Variants in CAGE1 observed in about 807,000 individuals in gnomAD.
The protein encoded by CAGE1 is cancer antigen 1, also known as cancer-associated gene 1 protein.
A neutral mutation model predicts 94.9 loss-of-function variants in CAGE1; 66 were observed. That is an observed-to-expected ratio of 0.70 (90% CI 0.57 to 0.85). The LOEUF (loss-of-function observed/expected upper bound fraction) is 0.85. Ranked by LOEUF, CAGE1 falls within the 40% of genes least tolerant of loss-of-function variation. The pLI, the probability that CAGE1 is intolerant of heterozygous loss-of-function variation, is 0.00. For synonymous variants in CAGE1, 319 were observed against 321.0 expected, an observed-to-expected ratio of 0.99 and a Z score of 0.07; for missense variants, 865 against 950.4, an observed-to-expected ratio of 0.91 and a Z score of 1.18.
rs1760199010 is a variant in CAGE1 at position 7,362,574 on chromosome 6, G to A, written c.2193+2894C>T. 6.6e-6 allele frequency among the ~76,000 whole-genome samples: 1 copy of A among 152,202 alleles called. No individual in the cohort carries two copies. Among genetic ancestry groups the A allele is most frequent in the Non-Finnish European group, 1.5e-5 (1 of 68,040 alleles). On this transcript the variant is annotated intron_variant, in intron 9 of 13. Transcript: ENST00000502583. The surrounding 1 kb of genome is among the most constrained non-coding windows in gnomAD (Gnocchi z 4.1). ...GATGGCAGGGTCAGAACTGTGAAGA[G>A]GAGCCAACGGCAAGGGGTCAGAAGG...
chr6:7,328,934 ATT>A (rs869241612), intron 13 of CAGE1, among the ~76,000 whole-genome samples: 167 of 106,804 alleles, frequency 1.6e-3, no homozygotes, highest in South Asian at 5.7e-3. Flanking sequence ...ATATATATAT[ATT>A]TTTTTTTTTT....
intron 10 of CAGE1, among the ~76,000 whole-genome samples, chr6:7,355,453 T>G (rs1433231910): frequency 6.6e-6 from 1 of 152,206 alleles, no homozygotes; most frequent in Non-Finnish European, 1.5e-5. Context: ...AACACTAAGT[T>G]GGCAAGATTT....
At chr6:7,366,254 A>G (rs1398839012) in intron 7 of CAGE1, among the ~76,000 whole-genome samples, 1 of 151,970 alleles carries the variant, frequency 6.6e-6, no homozygotes, top group Non-Finnish European at 1.5e-5. Context: ...TCAAAAAAAA[A>G]AAAAAAAAAA....
chr6:7,351,117 A>G (rs1759752025), intron 11 of CAGE1, among the ~76,000 whole-genome samples: 1 of 152,202 alleles, frequency 6.6e-6, no homozygotes, highest in Admixed American at 6.5e-5. Flanking sequence ...AATAGCAGAT[A>G]TTACAACTGA....
chr6:7,342,124 G>A (rs371077789), intron 11 of CAGE1: 1 of 1,006,452 alleles, frequency 9.9e-7, no homozygotes, highest in Non-Finnish European at 1.6e-6. Flanking sequence ...GCTGATGAAG[G>A]CAGCTTCACA....
chr6:7,381,163 C>T (rs1555770), intron 3 of CAGE1, among the ~76,000 whole-genome samples: 67,243 of 152,014 alleles, frequency 0.44, 17,289 homozygotes, highest in Middle Eastern at 0.59. Context: ...AAGCTCTAAC[C>T]CCTAGTACCT....
chr6:7,364,333 AAC>A (rs1193567546), intron 9 of CAGE1, among the ~76,000 whole-genome samples: 5 of 152,190 alleles, frequency 3.3e-5, no homozygotes, highest in Non-Finnish European at 7.3e-5. Context: ...CCTTCTGATA[AAC>A]AGTTATTTAT....
At chr6:7,332,943 TC>T (rs1445979997) in intron 12 of CAGE1, among the ~76,000 whole-genome samples, 4 of 152,070 alleles carry the variant, frequency 2.6e-5, no homozygotes, top group South Asian at 2.1e-4. Context: ...ACTGCTGTGT[TC>T]TTTTTTTTTT....
chr6:7,345,359 A>G (rs777204321), intron 11 of CAGE1, among the ~76,000 whole-genome samples: 213 of 83,004 alleles, frequency 2.6e-3, no homozygotes, highest in Non-Finnish European at 4.8e-3. Flanking sequence ...AACTCTGAAC[A>G]CATCAGAACA....
chr6:7,376,866 A>G (rs139320977), intron 4 of CAGE1, among the ~76,000 whole-genome samples: 3 of 152,214 alleles, frequency 2.0e-5, no homozygotes, highest in African/African-American at 7.2e-5. Flanking sequence ...CTCAATGATC[A>G]TTTCTTCAGG....
rs888532324 is a variant in CAGE1, at chr6:7,376,890, G to C, written c.687+1727C>G. ...CATTTCTTCAGGGATGCCTTCCCCA[G>C]ACTCCCTGATCAGGGTAGTGTCCTT... On this transcript the variant is annotated intron_variant, in intron 4 of 13. Coordinates refer to ENST00000502583, the MANE Select transcript of CAGE1 (RefSeq NM_001170692.2). Among the ~76,000 whole-genome samples the C allele has an allele frequency of 7.9e-5, 12 of 152,286 alleles. No homozygotes were observed. The East Asian group carries it at 1.9e-3, about 25-fold the overall frequency.
At chr6:7,346,663 A>G (rs907971668) in intron 11 of CAGE1, among the ~76,000 whole-genome samples, 12 of 152,068 alleles carry the variant, frequency 7.9e-5, no homozygotes, top group Admixed American at 5.2e-4. Context: ...CCTGGCCAAC[A>G]CGGCAAAACC....
chr6:7,344,369 C>A (rs941477451), intron 11 of CAGE1, among the ~76,000 whole-genome samples: 1 of 152,242 alleles, frequency 6.6e-6, no homozygotes, highest in Non-Finnish European at 1.5e-5. Flanking sequence ...GGGCCAGCGG[C>A]TGCAGAGGGT....
chr6:7,380,363 G>A lies in CAGE1; in HGVS notation c.284-1343C>T, dbSNP rs148137474. On this transcript the variant is annotated intron_variant, in intron 3 of 13. Coordinates refer to ENST00000502583, the MANE Select transcript of CAGE1 (RefSeq NM_001170692.2). The stretch of plus-strand genomic sequence containing the variant: ...CTATAGCCATATAAAAGTCTTGGAC[G>A]CAGTGGTTTACGCCTGTAATCCTAG... Among the ~76,000 whole-genome samples the A allele has an allele frequency of 7.5e-3, 1,137 of 152,086 alleles. 4 individuals carry two copies. Among genetic ancestry groups the A allele is most frequent in the Middle Eastern group, 0.02 (6 of 294 alleles).
chr6:7,345,903 T>C (rs139806762), intron 11 of CAGE1, among the ~76,000 whole-genome samples: 6 of 152,038 alleles, frequency 3.9e-5, no homozygotes, highest in African/African-American at 1.2e-4. Context: ...CCAGCCTGGG[T>C]GACAGAACGA....
In CAGE1 at chr6:7,374,107, G is replaced by A. The variant is rs747878969; in HGVS notation, c.712C>T (p.Gln238Ter). ...ATCTCAGGAATCTCCCCATAATTCT[G>A]TATTTCTTTTGAAGGAACTGCAGTC... is the stretch of plus-strand genomic sequence containing the variant. ...CKTAVPSKEI[Q>*]NYGEIPEMSV... Residue 238 changes from glutamine to a stop codon, truncating the protein, a stop_gained, in exon 5 of 14, where the codon CAG (glutamine) becomes TAG (stop). Transcript: ENST00000502583. LOFTEE classifies it high-confidence loss of function. 6.2e-7 allele frequency: 1 copy of A among 1,612,558 alleles called. No homozygotes were observed.
chr6:7,354,844 G>T (rs1416051752), intron 11 of CAGE1, among the ~76,000 whole-genome samples, 197 bp downstream of exon 11: 3 of 152,152 alleles, frequency 2.0e-5, no homozygotes, highest in Non-Finnish European at 4.4e-5. Context: ...GAGAAAGGAA[G>T]ATGAAAATCT....
rs891424304 is a variant in CAGE1 at position 7,334,605 on chromosome 6, G to A, written c.2370-515C>T. On this transcript the variant is annotated intron_variant, in intron 11 of 13. Coordinates refer to ENST00000502583, the MANE Select transcript of CAGE1 (RefSeq NM_001170692.2). ...TAGCCGGGCATGGTGGCACATGCCT[G>A]TGATCCCAGCTACTTGGGAGGCTGA... 1.3e-4 allele frequency among the ~76,000 whole-genome samples: 19 copies of A among 151,740 alleles called. 1 individual carries two copies. Among genetic ancestry groups the A allele is most frequent in the African/African-American group, 4.6e-4 (19 of 41,296 alleles).
chr6:7,336,966 C>T (rs930421641), intron 11 of CAGE1, among the ~76,000 whole-genome samples: 3 of 152,042 alleles, frequency 2.0e-5, no homozygotes, highest in African/African-American at 4.8e-5. Context: ...ATTGGATACA[C>T]GATTTACAAA....
Sources: allele counts gnomAD v4.1 joint callset (sites outside exome capture counted in the v4.1 genomes callset), GRCh38; gene constraint gnomAD v4.1.1; non-coding constraint Gnocchi (gnomAD v3.1); transcripts MANE v1.5; gene names NCBI Gene and HGNC (gene_info 2026-07-23, HGNC 2026-07-21).